The following IDH3A variants were observed in gnomAD, a reference collection of about 807,000 sequenced individuals.
IDH3A encodes isocitrate dehydrogenase (NAD(+)) 3 catalytic subunit alpha, also known as isocitrate dehydrogenase [NAD] subunit alpha, mitochondrial.
In IDH3A, 23 loss-of-function variants were observed where a neutral mutation model predicts 43.3. The observed-to-expected ratio is 0.53, with a 90% CI of 0.38 to 0.75. IDH3A has a LOEUF of 0.75. Ranked by LOEUF, IDH3A falls within the 30% of genes least tolerant of loss-of-function variation. The pLI is 0.00. For missense variants in IDH3A, 329 were observed against 474.4 expected (o/e 0.69, Z 2.85); for synonymous variants, 154 against 163.5 (o/e 0.94, Z 0.44).
intron 9 of IDH3A, among the ~76,000 whole-genome samples, chr15:78,165,603 C>T (rs547286004): frequency 1.2e-3 from 185 of 152,056 alleles, no homozygotes; most frequent in Middle Eastern, 3.4e-3. Flanking sequence ...AATATTTTAC[C>T]AAAAATTGAC....
chr15:78,164,983 T>C lies in IDH3A; in HGVS notation c.780-9T>C. ...AAAAACATTCTTTGAAATGCTTTTC[T>C]TCCGCTAGTGACTTGTGTGCAGGAT... On this transcript the variant is annotated splice_polypyrimidine_tract_variant and intron_variant, in intron 8 of 10. Coordinates refer to ENST00000299518, the MANE Select transcript of IDH3A (RefSeq NM_005530.3). The C allele has an allele frequency of 6.2e-7, 1 of 1,608,582 alleles. No individual in the cohort carries two copies. Among genetic ancestry groups the C allele is most frequent in the East Asian group, 2.2e-5 (1 of 44,842 alleles).
At position 78,155,231 on chromosome 15, in the gene IDH3A, G is replaced by A; in HGVS notation, c.46G>A (p.Ala16Thr). The change falls in exon 2 of 11, where the codon GCA (alanine) becomes ACA (threonine). Residue 16 changes from alanine (A) to threonine (T), a missense_variant. Physicochemically the swap from Ala to Thr is moderately conservative, Grantham distance 58 (BLOSUM62 0). Around this residue, in one of 3 missense-constraint regions of IDH3A, gnomAD observed 212 missense variants for 345.5 expected, o/e 0.61. Transcript: ENST00000299518. ...AATATAGGTCTCTCGGCTGCTGGGG[G>A]CATTCCACAACCCAAAACAGGTGAC... ...WISKVSRLLG[A>T]FHNPKQVTRG... 6.2e-7 allele frequency: 1 copy of A among 1,612,096 alleles called. No individual in the cohort carries two copies.
chr15:78,161,571 T>C lies in IDH3A; in HGVS notation c.290-10T>C, dbSNP rs1356984075. ...TTCTAGTGTCATCTGGGTTTTCTTC[T>C]GTATAACAGGCCCTTTGAAGACCCC... On this transcript the variant is annotated splice_polypyrimidine_tract_variant and intron_variant, in intron 4 of 10. Coordinates refer to ENST00000299518, the MANE Select transcript of IDH3A (RefSeq NM_005530.3). The surrounding 1 kb of genome is among the most constrained non-coding windows in gnomAD (Gnocchi z 4.8). 10 of 1,610,074 alleles carry C rather than the reference T, an allele frequency of 6.2e-6. No homozygotes were observed. The highest frequency in any genetic ancestry group is 7.6e-6 in the Non-Finnish European group (9 of 1,179,082).
rs923489369 is a variant in IDH3A, at chr15:78,157,258, A to C, written c.91-290A>C. The C allele has an allele frequency of 8.2e-6, 7 of 853,896 alleles. No individual in the cohort carries two copies. The African/African-American group carries it at 1.2e-4, about 15-fold the overall frequency. 52.9% of individuals were successfully genotyped at this position (853,896 alleles called of 1,614,324 possible). On this transcript the variant is annotated intron_variant, in intron 2 of 10. Coordinates refer to ENST00000299518, the MANE Select transcript of IDH3A (RefSeq NM_005530.3). ...TGCAGCTTGTCTGAAAAGAAATATC[A>C]ATTAGGAAATCTACTTGGTAGTTTA... is the stretch of plus-strand genomic sequence containing the variant.
chr15:78,167,325 C>A (rs1053355914), intron 10 of IDH3A: 1 of 152,096 alleles, frequency 6.6e-6, no homozygotes, highest in Non-Finnish European at 1.5e-5. Context: ...TTTTACAGCT[C>A]CTAAATGACC....
chr15:78,163,557 G>A lies in IDH3A; in HGVS notation c.662G>A (p.Ser221Asn), dbSNP rs2074705729. 1 of 1,613,336 alleles carries A rather than the reference G, an allele frequency of 6.2e-7. No homozygotes were observed. Among genetic ancestry groups the A allele is most frequent in the African/African-American group, 1.3e-5 (1 of 74,992 alleles). ...CAAAAATGCAGGGAAGTTGCAGAAA[G>A]CTGTAAAGATATTAAATTTAATGAG... ...FLQKCREVAESCKDIKFNEMY... is the reference protein window; with the variant it reads ...FLQKCREVAENCKDIKFNEMY... Residue 221 changes from serine (S) to asparagine (N), a missense_variant, in exon 7 of 11, where the codon AGC (serine) becomes AAC (asparagine). Physicochemically the swap from Ser to Asn is conservative, Grantham distance 46. Transcript: ENST00000299518.
At position 78,165,194 on chromosome 15, in the gene IDH3A, G is replaced by C. The variant is rs62009341; in HGVS notation, c.864+118G>C. On this transcript the variant is annotated intron_variant, in intron 9 of 10. Transcript: ENST00000299518. ...TTTCAAATTGTCAAAACAAAATGAT[G>C]CTTTTTTTTTTTCTCGAGACGGAGT... is the stretch of plus-strand genomic sequence containing the variant. 38,830 of 629,896 alleles carry C rather than the reference G, an allele frequency of 0.062. 1,801 individuals are homozygous for C. Among genetic ancestry groups the C allele is most frequent in the South Asian group, 0.18 (10,569 of 58,050 alleles). The allele number at this position is 629,896 out of a possible 1,614,324, so 39.0% of individuals were successfully genotyped here. A position where few individuals can be genotyped will look rare whatever the true frequency, so the allele number is the denominator to read the frequency against.
chr15:78,163,381 T>C (rs1439365328), intron 6 of IDH3A, 126 bp from the exon 7 acceptor site: 1 of 621,712 alleles, frequency 1.6e-6, no homozygotes, highest in African/African-American at 1.9e-5. Flanking sequence ...ATAATTTTAT[T>C]GTAATTGGGA....
chr15:78,169,546 T>C lies in IDH3A; in HGVS notation c.*541T>C, dbSNP rs1319122827. On this transcript the variant is annotated 3_prime_UTR_variant, in exon 11 of 11. Transcript: ENST00000299518. ...GTATATTTCTAAATGATATGGAAAA[T>C]AGAGACAGATTTGTCCTTTACAGAA... 1.3e-4 allele frequency: 20 copies of C among 152,176 alleles called. No individual in the cohort carries two copies. Among genetic ancestry groups the C allele is most frequent in the Admixed American group, 1.3e-3 (20 of 15,274 alleles). 9.4% of individuals were successfully genotyped at this position (152,176 alleles called of 1,614,324 possible).
chr15:78,159,868 G>T (rs961530675), intron 3 of IDH3A: 2 of 433,858 alleles, frequency 4.6e-6, no homozygotes, highest in Non-Finnish European at 8.5e-6. Flanking sequence ...GGTGGTGGGC[G>T]CCTGTAATCC....
Position 78,159,909 on chromosome 15 carries a change from C to T in IDH3A, c.175-183C>T, listed in dbSNP as rs990919164. 15 of 519,242 alleles carry T rather than the reference C, an allele frequency of 2.9e-5. 1 individual carries two copies. The highest frequency in any genetic ancestry group is 4.8e-5 in the South Asian group (2 of 41,900). 32.2% of individuals were successfully genotyped at this position (519,242 alleles called of 1,614,324 possible). On this transcript the variant is annotated intron_variant, in intron 3 of 10. Coordinates refer to ENST00000299518, the MANE Select transcript of IDH3A (RefSeq NM_005530.3). The stretch of plus-strand genomic sequence containing the variant: ...ACTCAGGAGGCTGAGGCATGAGAAT[C>T]GCTGGAACCTGGGAGGCGGAGGTTA...
intron 1 of IDH3A, among the ~76,000 whole-genome samples, chr15:78,152,649 C>T (rs1012475490): frequency 9.2e-5 from 14 of 151,996 alleles, no homozygotes; most frequent in South Asian, 2.1e-4. Flanking sequence ...CGTGAGCCAC[C>T]GCATCCGGCC....
At position 78,163,769 on chromosome 15, in the gene IDH3A, A is replaced by C. The variant is rs772193219; in HGVS notation, c.768A>C (p.Gly256=). 2 of 1,609,236 alleles carry C rather than the reference A, an allele frequency of 1.2e-6. No individual in the cohort carries two copies. Among genetic ancestry groups the C allele is most frequent in the South Asian group, 2.2e-5 (2 of 90,968 alleles). ...FDVLVMPNLY[G]DILSDLCAGL... ...TTCTTGTTATGCCAAATTTGTATGG[A>C]GACATCCTTAGGTGAGTCTGGCTGC... The change falls in exon 8 of 11, where the codon GGA becomes GGC. Residue 256 remains glycine (G), a synonymous_variant. Coordinates refer to ENST00000299518, the MANE Select transcript of IDH3A (RefSeq NM_005530.3).
At chr15:78,156,647 A>G (rs1254782149) in intron 2 of IDH3A, among the ~76,000 whole-genome samples, 1 of 152,222 alleles carries the variant, frequency 6.6e-6, no homozygotes, top group Non-Finnish European at 1.5e-5. Flanking sequence ...ATGCAGTTCA[A>G]GCAACTAGAA....
intron 2 of IDH3A, chr15:78,155,726 G>A (rs1596375924): frequency 3.2e-5 from 5 of 158,406 alleles, no homozygotes; most frequent in Admixed American, 1.9e-4. Context: ...AGCCTTGTAG[G>A]CTTATACTTG....
intron 8 of IDH3A, among the ~76,000 whole-genome samples, chr15:78,164,304 TCC>T (rs572499493): frequency 7.1e-6 from 1 of 140,548 alleles, no homozygotes; most frequent in Non-Finnish European, 1.5e-5. Context: ...TCTCTCTCTC[TCC>T]CCCCCCGACA....
chr15:78,162,392 C>A, intron 6 of IDH3A, 25 bp downstream of exon 6: 1 of 1,610,320 alleles, frequency 6.2e-7, no homozygotes, highest in Admixed American at 1.7e-5. Context: ...GGGGCCGGCA[C>A]CCCATCTTGC....
chr15:78,170,546 G>A lies in IDH3A; in HGVS notation c.*1541G>A, dbSNP rs1386552711. The A allele has an allele frequency of 2.0e-5, 3 of 152,202 alleles. No individual in the cohort carries two copies. The highest frequency in any genetic ancestry group is 7.2e-5 in the African/African-American group (3 of 41,426). The allele number at this position is 152,202 out of a possible 1,614,324, so 9.4% of individuals were successfully genotyped here. On this transcript the variant is annotated 3_prime_UTR_variant, in exon 11 of 11. Transcript: ENST00000299518. ...TAATAAAGAATTCCAAAACTGAGAT[G>A]TTTGCTTTCTCTACCTGTTTCCTGT...
rs532998427 is a variant in IDH3A at position 78,149,393 on chromosome 15, G to C, written c.-11G>C. On this transcript the variant is annotated 5_prime_UTR_variant, in exon 1 of 11. Transcript: ENST00000299518. Reference sequence around the variant, plus strand: ...GCTGCGGCTGTTGCTGCGGAGCCAGGAGGGGAAGCGATGGCTGGGCCCGCG... The same window carrying C: ...GCTGCGGCTGTTGCTGCGGAGCCAGCAGGGGAAGCGATGGCTGGGCCCGCG... The C allele has an allele frequency of 2.3e-5, 35 of 1,546,292 alleles. No individual in the cohort carries two copies. The highest frequency in any genetic ancestry group is 2.1e-4 in the Middle Eastern group (1 of 4,810).
Sources: allele counts gnomAD v4.1 joint callset (sites outside exome capture counted in the v4.1 genomes callset), GRCh38; gene constraint gnomAD v4.1.1; regional missense constraint gnomAD v4.1.1; non-coding constraint Gnocchi (gnomAD v3.1); transcripts MANE v1.5; gene names NCBI Gene and HGNC (gene_info 2026-07-23, HGNC 2026-07-21).